The following VCL variants were observed in gnomAD, a reference collection of about 807,000 sequenced individuals.
VCL encodes the protein vinculin, also known as epididymis luminal protein 114.
A neutral mutation model predicts 125.7 loss-of-function variants in VCL; 47 were observed. The ratio of observed to expected loss-of-function variants is 0.37; its 90% confidence interval spans 0.30 to 0.48. The LOEUF (loss-of-function observed/expected upper bound fraction) is 0.48, where lower values mean the gene tolerates loss of function less well. Ranked by LOEUF, VCL falls within the 20% of genes least tolerant of loss-of-function variation. The probability of loss-of-function intolerance (pLI) is 0.99; values close to 1 mark genes in which losing one functional copy is unlikely to be tolerated. For missense variants in VCL, 1,069 were observed against 1,455.5 expected (o/e 0.73, Z 4.32); for synonymous variants, 458 against 514.6 (o/e 0.89, Z 1.49).
chr10:74,095,884 C>T (rs752318216), intron 12 of VCL, 29 bp downstream of exon 12: 4 of 1,607,432 alleles, frequency 2.5e-6, no homozygotes, highest in Non-Finnish European at 3.4e-6. Context: ...TATCATTTTA[C>T]TTTTTATGCT....
intron 11 of VCL, among the ~76,000 whole-genome samples, chr10:74,095,280 TAAAAA>T (rs1839949282): frequency 1.3e-5 from 2 of 152,040 alleles, no homozygotes; most frequent in African/African-American, 4.8e-5. Context: ...GATAGTGAAA[TAAAAA>T]TAAAGTGTTA....
rs529234789 is a variant in VCL at position 74,059,710 on chromosome 10, G to C, written c.240-10960G>C. Among the ~76,000 whole-genome samples, 4 of 152,206 alleles carry C rather than the reference G, an allele frequency of 2.6e-5. No homozygotes were observed. In the South Asian group the frequency reaches 8.3e-4, roughly 32 times the overall value. Reference sequence around the variant, plus strand: ...GTGAGCCACCGCGTCCAGCCTGCTGGACATACTTCTAAAGACTGATTTGTA... The same window carrying C: ...GTGAGCCACCGCGTCCAGCCTGCTGCACATACTTCTAAAGACTGATTTGTA... On this transcript the variant is annotated intron_variant, in intron 2 of 21. Transcript: ENST00000211998.
At chr10:74,017,275 C>T (rs1437003035) in intron 1 of VCL, among the ~76,000 whole-genome samples, 1 of 151,588 alleles carries the variant, frequency 6.6e-6, no homozygotes, top group Non-Finnish European at 1.5e-5. Context: ...TCTCGATCTC[C>T]TGACCTCGTG....
At chr10:74,000,378 C>T (rs972669426) in intron 1 of VCL, among the ~76,000 whole-genome samples, 2 of 151,554 alleles carry the variant, frequency 1.3e-5, no homozygotes, top group African/African-American at 4.9e-5. Flanking sequence ...AATCCTCCCA[C>T]CTCAGCCTCC....
chr10:74,065,379 CACTT>C lies in VCL; in HGVS notation c.240-5288_240-5285del, dbSNP rs1841552443. 2.0e-5 allele frequency among the ~76,000 whole-genome samples: 3 copies of C among 152,164 alleles called. No individual in the cohort carries two copies. The South Asian group carries it at 6.2e-4, about 32-fold the overall frequency. On this transcript the variant is annotated intron_variant, in intron 2 of 21. Coordinates refer to ENST00000211998, the MANE Select transcript of VCL (RefSeq NM_014000.3). Reference sequence around the variant, plus strand: ...CTCCAACTCCTGACCTCTAGTGATCCACTTACCTCGGCCTCCCAGAGTGCTGGGT... The same window carrying C: ...CTCCAACTCCTGACCTCTAGTGATCCACCTCGGCCTCCCAGAGTGCTGGGT...
At chr10:74,112,202 G>C (rs953763306) in intron 19 of VCL, 90 bp downstream of exon 19, 3 of 1,529,022 alleles carry the variant, frequency 2.0e-6, no homozygotes, top group Non-Finnish European at 2.7e-6. Flanking sequence ...GATCTGTGCT[G>C]GTCCTGTGAG....
intron 1 of VCL, among the ~76,000 whole-genome samples, chr10:74,011,213 T>A (rs1337967266): frequency 6.7e-6 from 1 of 149,440 alleles, no homozygotes; most frequent in Non-Finnish European, 1.5e-5. Flanking sequence ...AAATAACCAT[T>A]GATTAAATTA....
chr10:74,107,468 A>T, intron 17 of VCL, 114 bp downstream of exon 17: 2 of 1,550,732 alleles, frequency 1.3e-6, no homozygotes, highest in Non-Finnish European at 1.8e-6. Context: ...TTTAGCTTTC[A>T]TTTGAAGCTT....
In VCL at chr10:74,116,635, G is replaced by A. The variant is rs973901145; in HGVS notation, c.3259-1388G>A. ...TGGGAGGCGGAAATTGCAGTGAGCC[G>A]AGATCGTGCCATTGCACTCCAGCCT... is the stretch of plus-strand genomic sequence containing the variant. On this transcript the variant is annotated intron_variant, in intron 21 of 21. Coordinates refer to ENST00000211998, the MANE Select transcript of VCL (RefSeq NM_014000.3). Among the ~76,000 whole-genome samples, 9 of 150,522 alleles carry A rather than the reference G, an allele frequency of 6.0e-5. No individual in the cohort carries two copies. The East Asian group carries it at 1.2e-3, about 19-fold the overall frequency.
At chr10:74,065,397 A>G (rs536785513) in intron 2 of VCL, among the ~76,000 whole-genome samples, 1 of 152,216 alleles carries the variant, frequency 6.6e-6, no homozygotes, top group African/African-American at 2.4e-5. Context: ...TCGGCCTCCC[A>G]GAGTGCTGGG....
chr10:74,010,138 T>G (rs2136226348), intron 1 of VCL, among the ~76,000 whole-genome samples: 1 of 152,192 alleles, frequency 6.6e-6, no homozygotes, highest in Non-Finnish European at 1.5e-5. Context: ...TTGGCCAAGC[T>G]GGTCTCAAAC....
chr10:74,097,046 C>T lies in VCL; in HGVS notation c.1744-158C>T, dbSNP rs1460587877. Reference sequence around the variant, plus strand: ...CTTACAGGGCAGGATTCATAAATTACACCTGTTCTGTGCTAGCTCAGTGCT... The same window carrying T: ...CTTACAGGGCAGGATTCATAAATTATACCTGTTCTGTGCTAGCTCAGTGCT... On this transcript the variant is annotated intron_variant, in intron 12 of 21. Coordinates refer to ENST00000211998, the MANE Select transcript of VCL (RefSeq NM_014000.3). This position sits in a 1 kb window ranked among gnomAD's most constrained non-coding sequence, Gnocchi z 4.1. Among the ~76,000 whole-genome samples, 1 of 152,244 alleles carries T rather than the reference C, an allele frequency of 6.6e-6. No individual in the cohort carries two copies. The highest frequency in any genetic ancestry group is 1.5e-5 in the Non-Finnish European group (1 of 68,034).
At chr10:74,059,360 G>GA (rs796840806) in intron 2 of VCL, among the ~76,000 whole-genome samples, 123 of 119,358 alleles carry the variant, frequency 1.0e-3, no homozygotes, top group South Asian at 2.1e-3. Context: ...CACTTCGAAA[G>GA]AAAAAAAAAA....
At chr10:74,039,771 A>AAAAAG (rs141361285) in intron 1 of VCL, among the ~76,000 whole-genome samples, 3,849 of 151,856 alleles carry the variant, frequency 0.025, 86 homozygotes, top group Non-Finnish European at 0.029. Flanking sequence ...ATGTCTCTTA[A>AAAAAG]AAAAGAAAAG....
At chr10:74,061,000 T>C (rs1430178259) in intron 2 of VCL, among the ~76,000 whole-genome samples, 3 of 152,070 alleles carry the variant, frequency 2.0e-5, no homozygotes, top group Non-Finnish European at 4.4e-5. Context: ...AGGTTGAAGA[T>C]TCAAAGGGAG....
chr10:74,084,055 C>T (rs1035421621), intron 8 of VCL, among the ~76,000 whole-genome samples: 6 of 152,022 alleles, frequency 3.9e-5, no homozygotes, highest in East Asian at 1.9e-4. Flanking sequence ...TTAGTACAGA[C>T]GGGGTTTCAC....
At chr10:74,111,601 T>G (rs1840219473) in intron 18 of VCL, among the ~76,000 whole-genome samples, 1 of 152,242 alleles carries the variant, frequency 6.6e-6, no homozygotes. Flanking sequence ...CAAGTTTGAC[T>G]TTAGTATCAA....
At chr10:74,002,965 A>G (rs182855573) in intron 1 of VCL, among the ~76,000 whole-genome samples, 12 of 151,346 alleles carry the variant, frequency 7.9e-5, no homozygotes, top group African/African-American at 2.7e-4. Context: ...ATATTTGCTA[A>G]GCAAAGTAGT....
At chr10:74,058,755 T>C (rs1010487242) in intron 2 of VCL, among the ~76,000 whole-genome samples, 3 of 152,178 alleles carry the variant, frequency 2.0e-5, no homozygotes, top group South Asian at 2.1e-4. Context: ...TGAGCTGACA[T>C]AGGATGACTG....
Sources: gnomAD v4.1 joint callset for allele counts (sites outside exome capture counted in the v4.1 genomes callset) on GRCh38, gnomAD v4.1.1 for gene constraint, Gnocchi (gnomAD v3.1) non-coding constraint, MANE v1.5 for transcripts, NCBI Gene and HGNC (gene_info 2026-07-23, HGNC 2026-07-21) for gene names.